Variants in XPO6 observed in about 807,000 individuals in gnomAD.
XPO6 encodes exportin 6.
XPO6 carries 3 observed loss-of-function variants against 130.0 expected under a neutral mutation model. That is an observed-to-expected ratio of 0.02 (90% confidence interval 0.01 to 0.06). The LOEUF (loss-of-function observed/expected upper bound fraction) is 0.06, where lower values mean the gene tolerates loss of function less well. XPO6 is among the 10% of genes least tolerant of loss of function. The probability of loss-of-function intolerance (pLI) is 1.00; values close to 1 mark genes in which losing one functional copy is unlikely to be tolerated. For missense variants in XPO6, 970 were observed against 1,393.0 expected, an observed-to-expected ratio of 0.70 and a Z score of 4.83; for synonymous variants, 524 against 548.9, an observed-to-expected ratio of 0.95 and a Z score of 0.63.
chr16:28,153,512 A>G, intron 7 of XPO6: 1 of 985,434 alleles, frequency 1.0e-6, no homozygotes, highest in Non-Finnish European at 1.2e-6. Flanking sequence ...TTCACTTCAC[A>G]GTGAATCCCC....
At chr16:28,099,995 T>TG in intron 23 of XPO6, among the ~76,000 whole-genome samples, 1 of 136,544 alleles carries the variant, frequency 7.3e-6, no homozygotes, top group East Asian at 2.0e-4. Context: ...TATAACTAGA[T>TG]TTTTTTTTTT....
chr16:28,190,282 C>T (rs934807720), intron 1 of XPO6, among the ~76,000 whole-genome samples: 1 of 151,152 alleles, frequency 6.6e-6, no homozygotes, highest in African/African-American at 2.4e-5. Flanking sequence ...TGCAGTGGCA[C>T]AATCTCAGCT....
chr16:28,191,322 T>G (rs1440331009), intron 1 of XPO6, among the ~76,000 whole-genome samples: 1 of 152,250 alleles, frequency 6.6e-6, no homozygotes, highest in African/African-American at 2.4e-5. Flanking sequence ...AAATAGTTAT[T>G]CTGCAGAAAC....
chr16:28,126,829 G>A (rs1418458073), intron 12 of XPO6: 1 of 152,176 alleles, frequency 6.6e-6, no homozygotes, highest in Non-Finnish European at 1.5e-5. Flanking sequence ...TGAGGGTGGG[G>A]TGGTAACACC....
At chr16:28,173,526 T>C (rs900544179) in intron 4 of XPO6, among the ~76,000 whole-genome samples, 1 of 152,138 alleles carries the variant, frequency 6.6e-6, no homozygotes, top group African/African-American at 2.4e-5. Flanking sequence ...GAAAATCACT[T>C]GAGGCCAAGA....
chr16:28,210,870 GCTCT>G (rs2044118156), intron 1 of XPO6, among the ~76,000 whole-genome samples: 1 of 152,300 alleles, frequency 6.6e-6, no homozygotes, highest in South Asian at 2.1e-4. Flanking sequence ...CAATCACCCA[GCTCT>G]CTAAGTGTAT....
At chr16:28,145,447 TG>T (rs1288639983) in intron 9 of XPO6, among the ~76,000 whole-genome samples, 1 of 152,224 alleles carries the variant, frequency 6.6e-6, no homozygotes, top group South Asian at 2.1e-4. Context: ...GAGAAACATA[TG>T]GGGGGGGAAA....
At chr16:28,187,336 G>A (rs1305148333) in intron 1 of XPO6, among the ~76,000 whole-genome samples, 1 of 152,114 alleles carries the variant, frequency 6.6e-6, no homozygotes, top group Non-Finnish European at 1.5e-5. Context: ...TTGTGTCTTT[G>A]TCTTGTAATC....
chr16:28,177,394 G>A, intron 2 of XPO6, 62 bp from the exon 3 acceptor site: 1 of 941,282 alleles, frequency 1.1e-6, no homozygotes, highest in East Asian at 2.5e-5. Flanking sequence ...GACAAGACTG[G>A]GCTATCTTAT....
At chr16:28,169,260 C>CT (rs1398570325) in intron 5 of XPO6, among the ~76,000 whole-genome samples, 1 of 152,158 alleles carries the variant, frequency 6.6e-6, no homozygotes, top group Non-Finnish European at 1.5e-5. Context: ...CCCTTTACAC[C>CT]TTGTCATGAG....
intron 9 of XPO6, among the ~76,000 whole-genome samples, chr16:28,135,823 G>A (rs1439390835): frequency 6.6e-6 from 1 of 152,068 alleles, no homozygotes; most frequent in East Asian, 1.9e-4. Flanking sequence ...TTACTGATAA[G>A]GAAGGCCTCA....
At chr16:28,153,938 C>T in intron 7 of XPO6, 1 of 985,340 alleles carries the variant, frequency 1.0e-6, no homozygotes, top group Non-Finnish European at 1.2e-6. Flanking sequence ...AGCCTGCCTG[C>T]CTGACCTCTA....
At chr16:28,158,906 AGAG>A (rs1299117530) in intron 6 of XPO6, among the ~76,000 whole-genome samples, 3 of 152,206 alleles carry the variant, frequency 2.0e-5, no homozygotes, top group African/African-American at 7.2e-5. Context: ...AAATTATTTT[AGAG>A]AAGACAAAAG....
At chr16:28,140,183 G>C (rs1596860876) in intron 9 of XPO6, among the ~76,000 whole-genome samples, 1 of 136,646 alleles carries the variant, frequency 7.3e-6, no homozygotes, top group South Asian at 2.3e-4. Flanking sequence ...AGTGAGCCGA[G>C]ATCACACCAT....
chr16:28,198,016 A>T (rs2043896742), intron 1 of XPO6, among the ~76,000 whole-genome samples: 2 of 141,960 alleles, frequency 1.4e-5, no homozygotes, highest in Admixed American at 7.1e-5. Flanking sequence ...CCCTTCTGGG[A>T]ATCTATCCTA....
chr16:28,170,662 T>C (rs1567636990), intron 4 of XPO6, among the ~76,000 whole-genome samples: 1 of 152,200 alleles, frequency 6.6e-6, no homozygotes, highest in African/African-American at 2.4e-5. Context: ...CTTCTAAACT[T>C]TGCATGCTTC....
chr16:28,153,927 C>CAGCCT (rs1214522002), intron 7 of XPO6: 1 of 985,220 alleles, frequency 1.0e-6, no homozygotes, highest in Non-Finnish European at 1.2e-6. Context: ...TGAGGGTGGC[C>CAGCCT]AGCCTGCCTG....
intron 17 of XPO6, among the ~76,000 whole-genome samples, chr16:28,107,958 C>T (rs1270684580): frequency 2.0e-5 from 3 of 152,108 alleles, no homozygotes; most frequent in African/African-American, 7.2e-5. Flanking sequence ...TCTGTTTTGC[C>T]TCTGGCCATT....
At chr16:28,111,547 G>A (rs1374777484) in intron 17 of XPO6, 2 of 369,864 alleles carry the variant, frequency 5.4e-6, no homozygotes, top group Non-Finnish European at 1.0e-5. Flanking sequence ...CATCACCAGT[G>A]TCTTCCATTT....
Sources: gnomAD v4.1 joint callset for allele counts (sites outside exome capture counted in the v4.1 genomes callset) on GRCh38, gnomAD v4.1.1 for gene constraint, MANE v1.5 for transcripts, NCBI Gene and HGNC (gene_info 2026-07-23, HGNC 2026-07-21) for gene names.